The following TACC2 variants were observed in gnomAD, a reference collection of about 807,000 sequenced individuals.
The protein encoded by TACC2 is transforming acidic coiled-coil containing protein 2, also known as transforming acidic coiled-coil-containing protein 2.
A neutral mutation model predicts 227.3 loss-of-function variants in TACC2; 137 were observed. That is an observed-to-expected ratio of 0.60 (90% CI 0.52 to 0.69). The LOEUF is 0.69. Among genes scored for constraint, TACC2 ranks in the 30% least tolerant of loss-of-function variants. The pLI, the probability that TACC2 is intolerant of heterozygous loss-of-function variation, is 0.00. For synonymous variants in TACC2, 1,523 were observed against 1,487.5 expected, an observed-to-expected ratio of 1.02 and a Z score of -0.55; for missense variants, 3,470 against 3,694.4, an observed-to-expected ratio of 0.94 and a Z score of 1.57.
At chr10:122,164,090 G>A in intron 7 of TACC2, 7 of 1,432,986 alleles carry the variant, frequency 4.9e-6, no homozygotes, top group Non-Finnish European at 6.7e-6. Context: ...GTGCAACCTG[G>A]AGCCCAGGCT....
intron 2 of TACC2, among the ~76,000 whole-genome samples, chr10:122,040,558 C>T (rs1321133151): frequency 2.0e-5 from 3 of 152,140 alleles, no homozygotes; most frequent in Non-Finnish European, 4.4e-5. Context: ...CAACCCTAAC[C>T]CCTCCATTAC....
At chr10:122,033,147 C>T (rs1959176820) in intron 2 of TACC2, 1 of 1,289,224 alleles carries the variant, frequency 7.8e-7, no homozygotes, top group Admixed American at 2.3e-5. Flanking sequence ...ACCCTGAGCC[C>T]ACACAGGTAC....
chr10:122,064,390 C>T (rs2136510496), intron 3 of TACC2, among the ~76,000 whole-genome samples: 1 of 152,244 alleles, frequency 6.6e-6, no homozygotes, highest in Non-Finnish European at 1.5e-5. Context: ...AATATTGATA[C>T]ATTATTATTA....
At chr10:122,128,759 A>G (rs2087386567) in intron 5 of TACC2, among the ~76,000 whole-genome samples, 1 of 152,240 alleles carries the variant, frequency 6.6e-6, no homozygotes, top group Non-Finnish European at 1.5e-5. Flanking sequence ...TAGAAAGTAG[A>G]TATAAATTTC....
At chr10:122,207,383 G>A (rs559493289) in intron 8 of TACC2, among the ~76,000 whole-genome samples, 5 of 152,092 alleles carry the variant, frequency 3.3e-5, no homozygotes, top group East Asian at 1.9e-4. Flanking sequence ...GAGGGGCCCC[G>A]TGGAGCAGCC....
chr10:122,011,069 C>T (rs570250875), intron 1 of TACC2, among the ~76,000 whole-genome samples: 1 of 152,324 alleles, frequency 6.6e-6, no homozygotes, highest in African/African-American at 2.4e-5. Flanking sequence ...GGGTAAAGGC[C>T]TGTGGCCCAA....
At chr10:122,247,290 C>A (rs1235218561) in intron 19 of TACC2, 3 of 152,164 alleles carry the variant, frequency 2.0e-5, no homozygotes, top group African/African-American at 7.2e-5. Flanking sequence ...CAGATGTGAT[C>A]TGTCTATGGC....
intron 6 of TACC2, among the ~76,000 whole-genome samples, chr10:122,136,766 C>A (rs761074953): frequency 6.6e-6 from 1 of 152,064 alleles, no homozygotes; most frequent in African/African-American, 2.4e-5. Flanking sequence ...GATGGCCAGA[C>A]TAGTCTCAAA....
At chr10:122,222,024 A>G (rs2095533303) in intron 11 of TACC2, among the ~76,000 whole-genome samples, 1 of 152,226 alleles carries the variant, frequency 6.6e-6, no homozygotes, top group Non-Finnish European at 1.5e-5. Flanking sequence ...CAGAAACGAC[A>G]GGACCCGTGA....
chr10:122,219,036 G>A (rs367762121), intron 11 of TACC2, among the ~76,000 whole-genome samples: 501 of 79,216 alleles, frequency 6.3e-3, no homozygotes, highest in Middle Eastern at 0.029. Flanking sequence ...AAAAAAAAAA[G>A]AAAAGTGACC....
intron 5 of TACC2, among the ~76,000 whole-genome samples, chr10:122,114,165 G>A (rs1217999390): frequency 2.6e-5 from 4 of 152,198 alleles, no homozygotes; most frequent in Non-Finnish European, 5.9e-5. Context: ...CGTGTCACAG[G>A]ACGTGGGACA....
In TACC2 at chr10:122,175,307, C is replaced by CACT. The variant is rs567587156; in HGVS notation, c.5835-19732_5835-19730dup. Among the ~76,000 whole-genome samples, 997 of 152,262 alleles carry CACT rather than the reference C, an allele frequency of 6.5e-3. 7 individuals are homozygous for CACT. The highest frequency in any genetic ancestry group is 0.034 in the Middle Eastern group (10 of 294). On this transcript the variant is annotated intron_variant, in intron 7 of 22. Transcript: ENST00000369005. ...TTCTTGGTGAAGAAAAACACTGAAA[C>CACT]ACTGATGCATTGTGGAAAAGGATAC...
intron 2 of TACC2, among the ~76,000 whole-genome samples, chr10:122,028,936 GCCTTCCCTTC>G (rs1169509784): frequency 8.0e-4 from 1 of 1,248 alleles, no homozygotes; most frequent in Non-Finnish European, 1.1e-3. Flanking sequence ...CCCTCCCCTC[GCCTTCCCTTC>G]CCTTCCCTTC....
At chr10:122,246,886 G>C (rs2096134440) in intron 19 of TACC2, 2 of 152,390 alleles carry the variant, frequency 1.3e-5, no homozygotes, top group South Asian at 4.1e-4. Context: ...CTGCTGCAAA[G>C]AGGAAAATGA....
chr10:122,171,023 G>GTAGAGTAGGGGCCGTGAGCAA (rs2093444867), intron 7 of TACC2, among the ~76,000 whole-genome samples: 1 of 150,558 alleles, frequency 6.6e-6, no homozygotes, highest in Non-Finnish European at 1.5e-5. Flanking sequence ...GCTGTGAGCA[G>GTAGAGTAGGGGCCGTGAGCAA]TAGATTAGGG....
chr10:122,135,812 C>T (rs1592447284), intron 6 of TACC2, among the ~76,000 whole-genome samples: 1 of 152,218 alleles, frequency 6.6e-6, no homozygotes, highest in Non-Finnish European at 1.5e-5. Context: ...GAGGCAACGC[C>T]CTGCCTTCTT....
intron 5 of TACC2, among the ~76,000 whole-genome samples, chr10:122,105,471 A>T (rs1204125987): frequency 6.6e-6 from 1 of 152,070 alleles, no homozygotes; most frequent in Non-Finnish European, 1.5e-5. Context: ...CAGCCTCCTG[A>T]AGTTACTTTC....
At chr10:122,029,298 T>A (rs1958637096) in intron 2 of TACC2, among the ~76,000 whole-genome samples, 1 of 152,040 alleles carries the variant, frequency 6.6e-6, no homozygotes, top group Non-Finnish European at 1.5e-5. Context: ...AATTGTATGA[T>A]CTTTCTTCTT....
At chr10:122,213,456 T>C in intron 9 of TACC2, 1 of 1,454,296 alleles carries the variant, frequency 6.9e-7, no homozygotes, top group Non-Finnish European at 9.6e-7. Flanking sequence ...TCCAAGCCAT[T>C]TTTATTTCCC....
Sources: gnomAD v4.1 joint callset for allele counts (sites outside exome capture counted in the v4.1 genomes callset) on GRCh38, gnomAD v4.1.1 for gene constraint, MANE v1.5 for transcripts, NCBI Gene and HGNC (gene_info 2026-07-23, HGNC 2026-07-21) for gene names.